STRBP: variants seen among roughly 807,000 people sequenced by gnomAD.
STRBP encodes the protein spermatid perinuclear RNA binding protein.
STRBP carries 13 observed loss-of-function variants against 80.1 expected under a neutral mutation model. That is an observed-to-expected ratio of 0.16 (90% CI 0.11 to 0.26). The LOEUF (loss-of-function observed/expected upper bound fraction) is 0.26, where lower values mean the gene tolerates loss of function less well. Among genes scored for constraint, STRBP ranks in the 10% least tolerant of loss-of-function variants. STRBP has a pLI of 1.00. For synonymous variants in STRBP, 284 were observed against 291.2 expected (o/e 0.98, Z 0.25); for missense variants, 485 against 815.2 (o/e 0.59, Z 4.93).
In STRBP at chr9:123,126,795, C is replaced by A. The variant is rs2035912979; in HGVS notation, c.1943-1122G>T. ...ACATAGTACAGTGAGTCTAGTGAGCCAAAATGTACTTGGATAAATGGACCA... is the reference window on the plus strand; with the variant it reads ...ACATAGTACAGTGAGTCTAGTGAGCAAAAATGTACTTGGATAAATGGACCA... On this transcript the variant is annotated intron_variant, in intron 18 of 18. Coordinates refer to ENST00000348403, the MANE Select transcript of STRBP (RefSeq NM_018387.5). This position sits in a 1 kb window ranked among gnomAD's most constrained non-coding sequence, Gnocchi z 4.4. Among the ~76,000 whole-genome samples, 1 of 152,092 alleles carries A rather than the reference C, an allele frequency of 6.6e-6. No individual in the cohort carries two copies. The highest frequency in any genetic ancestry group is 6.5e-5 in the Admixed American group (1 of 15,274).
intron 16 of STRBP, 137 bp downstream of exon 16, chr9:123,135,904 A>T: frequency 9.0e-7 from 1 of 1,108,148 alleles, no homozygotes; most frequent in Non-Finnish European, 1.3e-6. Context: ...TCGTGACCTA[A>T]CCCAAAGCAA....
chr9:123,199,235 A>G (rs1454721259), intron 2 of STRBP, among the ~76,000 whole-genome samples: 1 of 152,228 alleles, frequency 6.6e-6, no homozygotes, highest in Non-Finnish European at 1.5e-5. Flanking sequence ...CACCCAGCCT[A>G]TGTGCCTACT....
intron 2 of STRBP, among the ~76,000 whole-genome samples, chr9:123,229,312 TTTA>T (rs2040333416): frequency 6.6e-6 from 1 of 152,172 alleles, no homozygotes; most frequent in African/African-American, 2.4e-5. Context: ...AATTGTACAT[TTTA>T]AATAGCGAAT....
chr9:123,243,067 T>C (rs1273100732), intron 1 of STRBP, among the ~76,000 whole-genome samples: 1 of 152,018 alleles, frequency 6.6e-6, no homozygotes, highest in East Asian at 1.9e-4. Context: ...TAAAGACTTA[T>C]TATATAGCCA....
At chr9:123,222,406 T>C (rs981092036) in intron 2 of STRBP, among the ~76,000 whole-genome samples, 4 of 152,126 alleles carry the variant, frequency 2.6e-5, no homozygotes, top group Non-Finnish European at 5.9e-5. Flanking sequence ...TAGTGGCAAA[T>C]GGTATTAAAA....
chr9:123,231,310 G>T (rs2040392319), intron 2 of STRBP, among the ~76,000 whole-genome samples: 1 of 152,008 alleles, frequency 6.6e-6, no homozygotes, highest in African/African-American at 2.4e-5. Context: ...CCATCTGGAG[G>T]GTTGACTCCA....
At chr9:123,203,300 C>T (rs2039393111) in intron 2 of STRBP, among the ~76,000 whole-genome samples, 1 of 151,432 alleles carries the variant, frequency 6.6e-6, no homozygotes, top group African/African-American at 2.4e-5. Context: ...GAGCTATGAT[C>T]ACTCCATTGC....
At chr9:123,174,715 G>A (rs962601223) in intron 4 of STRBP, among the ~76,000 whole-genome samples, 9 of 152,076 alleles carry the variant, frequency 5.9e-5, no homozygotes, top group African/African-American at 1.7e-4. Context: ...AGCTAAGGAA[G>A]GAAAGATAAA....
chr9:123,164,533 A>G (rs1364836535), intron 6 of STRBP, among the ~76,000 whole-genome samples: 1 of 152,136 alleles, frequency 6.6e-6, no homozygotes, highest in African/African-American at 2.4e-5. Context: ...GTTTCTCTCA[A>G]TGCCTTACAT....
intron 2 of STRBP, among the ~76,000 whole-genome samples, chr9:123,214,692 T>C (rs2039833889): frequency 1.3e-5 from 2 of 152,128 alleles, no homozygotes; most frequent in African/African-American, 2.4e-5. Context: ...ACATTAATTC[T>C]CCCTCCTCTT....
At chr9:123,235,499 C>A (rs1377302249) in intron 2 of STRBP, among the ~76,000 whole-genome samples, 3 of 92,498 alleles carry the variant, frequency 3.2e-5, no homozygotes, top group South Asian at 3.4e-4. Flanking sequence ...GAACTAAGAG[C>A]AACTTCAGGA....
intron 2 of STRBP, among the ~76,000 whole-genome samples, chr9:123,215,631 A>G (rs996994171): frequency 6.6e-6 from 1 of 152,100 alleles, no homozygotes; most frequent in Non-Finnish European, 1.5e-5. Context: ...CTAAAAATAT[A>G]AAAATTAGCC....
At chr9:123,135,736 C>G (rs2036325808) in intron 16 of STRBP, 1 of 199,994 alleles carries the variant, frequency 5.0e-6, no homozygotes, top group African/African-American at 2.3e-5. Context: ...TCACTAAGGT[C>G]CAAATCACCT....
intron 1 of STRBP, among the ~76,000 whole-genome samples, chr9:123,253,771 G>C (rs1374898962): frequency 1.3e-5 from 2 of 152,232 alleles, no homozygotes; most frequent in African/African-American, 2.4e-5. Context: ...AGGATACTCT[G>C]TTTCTCACTG....
chr9:123,156,125 T>C (rs979631265), intron 11 of STRBP, among the ~76,000 whole-genome samples: 1 of 151,722 alleles, frequency 6.6e-6, no homozygotes, highest in African/African-American at 2.4e-5. Context: ...TTTTACTATC[T>C]AGTGAAGGGG....
At position 123,179,220 on chromosome 9, in the gene STRBP, A is replaced by G; in HGVS notation, c.11T>C (p.Ile4Thr). Residue 4 changes from isoleucine (I) to threonine (T), a missense_variant, in exon 4 of 19, where the codon ATT becomes ACT. This residue lies in a region of STRBP where 377 missense variants were observed against 616.1 expected (regional missense o/e 0.61). Coordinates refer to ENST00000348403, the MANE Select transcript of STRBP (RefSeq NM_018387.5). ...GCGATCATCATTAGCAAAAGATCGA[A>G]TAGATCTCTGTTAGAAGGAGAACGA... MRS[I>T]RSFANDDRHV... The G allele has an allele frequency of 6.2e-7, 1 of 1,604,656 alleles. No homozygotes were observed. Among genetic ancestry groups the G allele is most frequent in the South Asian group, 1.1e-5 (1 of 90,946 alleles).
intron 2 of STRBP, among the ~76,000 whole-genome samples, chr9:123,186,098 T>C (rs560165634): frequency 6.6e-6 from 1 of 151,536 alleles, no homozygotes; most frequent in East Asian, 1.9e-4. Context: ...TCCCAGCACT[T>C]TGGAAGGCTG....
chr9:123,261,152 T>C (rs943092770), intron 1 of STRBP, among the ~76,000 whole-genome samples: 7 of 152,226 alleles, frequency 4.6e-5, no homozygotes, highest in African/African-American at 1.4e-4. Flanking sequence ...ACTGTGTGCA[T>C]ACCCATACTC....
chr9:123,163,886 C>G (rs1401837244), intron 6 of STRBP, among the ~76,000 whole-genome samples: 1 of 152,142 alleles, frequency 6.6e-6, no homozygotes, highest in Non-Finnish European at 1.5e-5. Context: ...GATAACACAT[C>G]TTGGAGTTCT....
Sources: gnomAD v4.1 joint callset for allele counts (sites outside exome capture counted in the v4.1 genomes callset) on GRCh38, gnomAD v4.1.1 for gene constraint, gnomAD v4.1.1 regional missense constraint, Gnocchi (gnomAD v3.1) non-coding constraint, MANE v1.5 for transcripts, NCBI Gene and HGNC (gene_info 2026-07-23, HGNC 2026-07-21) for gene names.